RIMS4: variants seen among roughly 807,000 people sequenced by gnomAD.
RIMS4 encodes regulating synaptic membrane exocytosis protein 4.
RIMS4 carries 9 observed loss-of-function variants against 29.0 expected under a neutral mutation model. That is an observed-to-expected ratio of 0.31 (90% CI 0.19 to 0.54). The LOEUF (loss-of-function observed/expected upper bound fraction) is 0.54, where lower values mean the gene tolerates loss of function less well. Among genes scored for constraint, RIMS4 ranks in the 20% least tolerant of loss-of-function variants. The probability of loss-of-function intolerance (pLI) is 0.94; values close to 1 mark genes in which losing one functional copy is unlikely to be tolerated. For synonymous variants in RIMS4, 130 were observed against 152.9 expected (o/e 0.85, Z 1.10); for missense variants, 193 against 365.7 (o/e 0.53, Z 3.85).
intron 1 of RIMS4, among the ~76,000 whole-genome samples, chr20:44,784,202 C>T (rs2145465081): frequency 6.6e-6 from 1 of 152,294 alleles, no homozygotes; most frequent in Admixed American, 6.5e-5. Flanking sequence ...AACACATGTG[C>T]ACATGTATCC....
At chr20:44,770,533 C>T (rs917791204) in intron 2 of RIMS4, among the ~76,000 whole-genome samples, 1 of 152,094 alleles carries the variant, frequency 6.6e-6, no homozygotes, top group African/African-American at 2.4e-5. Flanking sequence ...AAATGAGAAA[C>T]CCCTAGTCTA....
chr20:44,778,444 G>A (rs2066169875), intron 1 of RIMS4, among the ~76,000 whole-genome samples: 2 of 152,224 alleles, frequency 1.3e-5, no homozygotes, highest in South Asian at 2.1e-4. Flanking sequence ...GGGAGGCCAA[G>A]ATGGGAGGAC....
At chr20:44,762,681 G>C (rs886079002) in intron 2 of RIMS4, among the ~76,000 whole-genome samples, 25 of 152,230 alleles carry the variant, frequency 1.6e-4, no homozygotes, top group African/African-American at 5.8e-4. Flanking sequence ...TAGCTGCCAA[G>C]GAACCCGGCT....
At chr20:44,766,939 C>T (rs1078273) in intron 2 of RIMS4, among the ~76,000 whole-genome samples, 2 of 152,038 alleles carry the variant, frequency 1.3e-5, no homozygotes, top group Non-Finnish European at 2.9e-5. Flanking sequence ...CTCAGTAACT[C>T]GTTAAGAGCT....
chr20:44,770,342 G>A (rs1198444017), intron 2 of RIMS4, among the ~76,000 whole-genome samples: 1 of 152,160 alleles, frequency 6.6e-6, no homozygotes, highest in Non-Finnish European at 1.5e-5. Flanking sequence ...TTGGATCAAA[G>A]TTTCTTTGAT....
intron 2 of RIMS4, among the ~76,000 whole-genome samples, chr20:44,762,326 T>C (rs1299541837): frequency 1.3e-5 from 2 of 152,210 alleles, no homozygotes; most frequent in Non-Finnish European, 1.5e-5. Context: ...TCTTTCACAC[T>C]GGTGACATGG....
chr20:44,807,655 A>G (rs2066304721), intron 1 of RIMS4, among the ~76,000 whole-genome samples: 1 of 152,206 alleles, frequency 6.6e-6, no homozygotes, highest in Non-Finnish European at 1.5e-5. Flanking sequence ...TTTAGAAATC[A>G]GTTCAGTGCA....
intron 1 of RIMS4, among the ~76,000 whole-genome samples, chr20:44,808,631 T>A (rs553930736): frequency 6.6e-6 from 1 of 152,190 alleles, no homozygotes; most frequent in African/African-American, 2.4e-5. Flanking sequence ...ATTATAAAAA[T>A]GGTAAAATGT....
intron 1 of RIMS4, among the ~76,000 whole-genome samples, chr20:44,779,022 T>C (rs777390266): frequency 6.6e-6 from 1 of 152,202 alleles, no homozygotes; most frequent in African/African-American, 2.4e-5. Context: ...TGGCACCCCA[T>C]TGCTTGCAGA....
intron 1 of RIMS4, among the ~76,000 whole-genome samples, chr20:44,809,212 G>A (rs1236498560): frequency 6.6e-6 from 1 of 152,152 alleles, no homozygotes; most frequent in Non-Finnish European, 1.5e-5. Flanking sequence ...ACTGGAACCT[G>A]ATTCCGATTC....
intron 1 of RIMS4, among the ~76,000 whole-genome samples, chr20:44,784,094 G>A (rs1370139586): frequency 6.6e-6 from 1 of 152,180 alleles, no homozygotes; most frequent in Non-Finnish European, 1.5e-5. Flanking sequence ...CACAGGCAGG[G>A]AGGCTCCCCC....
At chr20:44,783,412 C>T (rs532025144) in intron 1 of RIMS4, among the ~76,000 whole-genome samples, 17 of 152,260 alleles carry the variant, frequency 1.1e-4, no homozygotes, top group African/African-American at 1.9e-4. Context: ...CACCTGAGGT[C>T]GGGAGTTTGA....
intron 2 of RIMS4, among the ~76,000 whole-genome samples, chr20:44,760,717 T>G (rs964868678): frequency 5.9e-5 from 9 of 152,178 alleles, no homozygotes; most frequent in Non-Finnish European, 1.3e-4. Flanking sequence ...CAACAAATGT[T>G]TACTGAGCAC....
rs190356441 is a variant in RIMS4 at position 44,787,221 on chromosome 20, A to G, written c.98-15808T>C. ...GGGGAGTGGTGTGAGATGAGGTTTG[A>G]GATGATGGGGCAGGAGGAGAGGGCA... On this transcript the variant is annotated intron_variant, in intron 1 of 5. Coordinates refer to ENST00000372851, the MANE Select transcript of RIMS4 (RefSeq NM_182970.4). Among the ~76,000 whole-genome samples, 626 of 152,140 alleles carry G rather than the reference A, an allele frequency of 4.1e-3. 2 individuals are homozygous for G. The highest frequency in any genetic ancestry group is 0.015 in the African/African-American group (602 of 41,498).
intron 4 of RIMS4, among the ~76,000 whole-genome samples, chr20:44,757,417 T>A (rs531467254): frequency 1.3e-5 from 2 of 152,060 alleles, no homozygotes; most frequent in Non-Finnish European, 2.9e-5. Flanking sequence ...CACTGGGGTA[T>A]AATGATAAGC....
At chr20:44,778,185 T>C (rs1182375777) in intron 1 of RIMS4, among the ~76,000 whole-genome samples, 1 of 152,014 alleles carries the variant, frequency 6.6e-6, no homozygotes, top group African/African-American at 2.4e-5. Flanking sequence ...CAAGGATGGG[T>C]GGAGGAAGCA....
At chr20:44,799,585 TAGTGAGTGC>T (rs1178012385) in intron 1 of RIMS4, among the ~76,000 whole-genome samples, 1 of 152,118 alleles carries the variant, frequency 6.6e-6, no homozygotes, top group Non-Finnish European at 1.5e-5. Context: ...AGGACCCAAT[TAGTGAGTGC>T]AGTGAGTGTG....
intron 3 of RIMS4, 37 bp downstream of exon 3, chr20:44,758,035 C>A: frequency 6.9e-7 from 1 of 1,456,984 alleles, no homozygotes; most frequent in Non-Finnish European, 9.5e-7. Context: ...ACACCCAACT[C>A]CCCTAGTCCA....
intron 1 of RIMS4, among the ~76,000 whole-genome samples, chr20:44,775,522 C>A (rs1361487124): frequency 6.6e-6 from 1 of 152,178 alleles, no homozygotes; most frequent in East Asian, 1.9e-4. Context: ...GAGGATGAAC[C>A]CTCACCTCCT....
Sources: allele counts gnomAD v4.1 joint callset (sites outside exome capture counted in the v4.1 genomes callset), GRCh38; gene constraint gnomAD v4.1.1; transcripts MANE v1.5; gene names NCBI Gene and HGNC (gene_info 2026-07-23, HGNC 2026-07-21).